The following FGF12 variants were observed in gnomAD, a reference collection of about 807,000 sequenced individuals.
FGF12 encodes the protein fibroblast growth factor 12.
In FGF12, 14 loss-of-function variants were observed where a neutral mutation model predicts 23.6. The observed-to-expected ratio is 0.59, with a 90% CI of 0.39 to 0.93. The LOEUF (loss-of-function observed/expected upper bound fraction) is 0.93. Among genes scored for constraint, FGF12 ranks in the 40% least tolerant of loss-of-function variants. The pLI is 0.00. For synonymous variants in FGF12, 62 were observed against 77.3 expected (o/e 0.80, Z 1.04); for missense variants, 175 against 217.8 (o/e 0.80, Z 1.24).
At chr3:192,603,391 T>C (rs1008588177) in intron 2 of FGF12, among the ~76,000 whole-genome samples, 6 of 152,132 alleles carry the variant, frequency 3.9e-5, no homozygotes, top group Admixed American at 6.6e-5. Flanking sequence ...ACACCAATAA[T>C]GTTCAAGCTG....
intron 3 of FGF12, among the ~76,000 whole-genome samples, chr3:192,340,338 A>G (rs946416500): frequency 7.2e-5 from 11 of 152,118 alleles, no homozygotes; most frequent in African/African-American, 2.7e-4. Flanking sequence ...AAGCTCTCCA[A>G]AACAAAACTC....
chr3:192,668,145 C>T (rs1038425554), intron 2 of FGF12, among the ~76,000 whole-genome samples: 21 of 151,666 alleles, frequency 1.4e-4, no homozygotes, highest in African/African-American at 5.1e-4. Context: ...TAAGCACATA[C>T]CAAAAATTCC....
chr3:192,487,968 C>T (rs1332593456), intron 2 of FGF12, among the ~76,000 whole-genome samples: 6 of 152,052 alleles, frequency 3.9e-5, no homozygotes, highest in African/African-American at 1.2e-4. Context: ...AGACATGCAG[C>T]ACAATATTGT....
At chr3:192,506,221 G>C (rs1243508401) in intron 2 of FGF12, among the ~76,000 whole-genome samples, 1 of 152,226 alleles carries the variant, frequency 6.6e-6, no homozygotes. Flanking sequence ...TTGTGGAAGA[G>C]AAGTTGGGGG....
intron 2 of FGF12, among the ~76,000 whole-genome samples, chr3:192,397,234 C>T (rs1325951234): frequency 6.6e-6 from 1 of 152,196 alleles, no homozygotes; most frequent in Non-Finnish European, 1.5e-5. Context: ...CACAATGCTG[C>T]CAACTCCTTT....
intron 4 of FGF12, among the ~76,000 whole-genome samples, chr3:192,182,487 T>C (rs918384852): frequency 2.6e-5 from 4 of 152,104 alleles, no homozygotes; most frequent in Admixed American, 6.6e-5. Context: ...TATAAAAGAA[T>C]GGCCCCTTCC....
At chr3:192,595,501 G>T (rs898957566) in intron 2 of FGF12, among the ~76,000 whole-genome samples, 1 of 152,164 alleles carries the variant, frequency 6.6e-6, no homozygotes, top group African/African-American at 2.4e-5. Flanking sequence ...TTTTAGTAGA[G>T]CAGTGGTTCT....
intron 2 of FGF12, among the ~76,000 whole-genome samples, chr3:192,487,863 C>T (rs1723681078): frequency 6.6e-6 from 1 of 152,008 alleles, no homozygotes; most frequent in Admixed American, 6.6e-5. Flanking sequence ...GGAATTTTAA[C>T]TTGTTCATTA....
Position 192,526,793 on chromosome 3 carries a change from T to C in FGF12, c.14-166255A>G, listed in dbSNP as rs142705486. 1.1e-4 allele frequency among the ~76,000 whole-genome samples: 17 copies of C among 152,328 alleles called. No individual in the cohort carries two copies. The East Asian group carries it at 3.1e-3, about 28-fold the overall frequency. ...TTTAGAGTTAACCATATGGTTCGAC[T>C]GAAGATAAAGCCTTAATCAAATTTA... On this transcript the variant is annotated intron_variant, in intron 2 of 5. Transcript: ENST00000445105.
chr3:192,171,023 C>G (rs1241794088), intron 4 of FGF12, among the ~76,000 whole-genome samples: 2 of 152,136 alleles, frequency 1.3e-5, no homozygotes, highest in African/African-American at 4.8e-5. Context: ...AAAATTTATC[C>G]TGGAAATCAA....
At position 192,593,341 on chromosome 3, in the gene FGF12, C is replaced by T. The variant is rs576837184; in HGVS notation, c.13+133840G>A. Reference sequence around the variant, plus strand: ...GTGACCCTCTTCCCTCATGATCATACGTAGAATAGCAACCCTATGCCCTCT... The same window carrying T: ...GTGACCCTCTTCCCTCATGATCATATGTAGAATAGCAACCCTATGCCCTCT... On this transcript the variant is annotated intron_variant, in intron 2 of 5. Coordinates refer to ENST00000445105, the MANE Select transcript of FGF12 (RefSeq NM_004113.6). 6.6e-5 allele frequency among the ~76,000 whole-genome samples: 10 copies of T among 151,894 alleles called. 1 individual carries two copies. The highest frequency in any genetic ancestry group is 2.0e-4 in the Admixed American group (3 of 15,246).
intron 2 of FGF12, among the ~76,000 whole-genome samples, chr3:192,505,603 A>ATAGCAT (rs1238760977): frequency 3.0e-4 from 46 of 152,328 alleles, no homozygotes; most frequent in African/African-American, 1.0e-3. Flanking sequence ...CTATCATCAG[A>ATAGCAT]AAACTGCATA....
intron 4 of FGF12, among the ~76,000 whole-genome samples, chr3:192,296,682 G>T (rs1715060759): frequency 6.6e-6 from 1 of 151,954 alleles, no homozygotes; most frequent in Non-Finnish European, 1.5e-5. Flanking sequence ...ATGAAATATT[G>T]CTCTTTATGA....
At chr3:192,559,291 T>C (rs1711914471) in intron 2 of FGF12, among the ~76,000 whole-genome samples, 1 of 151,922 alleles carries the variant, frequency 6.6e-6, no homozygotes, top group Non-Finnish European at 1.5e-5. Context: ...TTTTAAGAAT[T>C]GGCAAAGGAC....
chr3:192,353,216 C>T (rs1038256036), intron 3 of FGF12, among the ~76,000 whole-genome samples: 5 of 152,134 alleles, frequency 3.3e-5, no homozygotes, highest in African/African-American at 1.2e-4. Flanking sequence ...TAGGAATACA[C>T]TTGGTTAAGG....
chr3:192,442,490 T>C (rs886223867), intron 2 of FGF12, among the ~76,000 whole-genome samples: 2 of 152,206 alleles, frequency 1.3e-5, no homozygotes, highest in Non-Finnish European at 2.9e-5. Flanking sequence ...CTATAAGTTT[T>C]AGGTGCCAGA....
At chr3:192,338,673 G>A (rs555057654) in intron 3 of FGF12, among the ~76,000 whole-genome samples, 1 of 152,310 alleles carries the variant, frequency 6.6e-6, no homozygotes, top group East Asian at 1.9e-4. Flanking sequence ...GTCCCTGAGA[G>A]CTTTGTGGAG....
intron 4 of FGF12, among the ~76,000 whole-genome samples, chr3:192,184,669 G>A (rs1403042): frequency 5.3e-5 from 8 of 152,154 alleles, no homozygotes; most frequent in African/African-American, 1.9e-4. Context: ...GAGTTCATTT[G>A]TGATTCAGAA....
At chr3:192,305,607 A>G (rs911158297) in intron 4 of FGF12, among the ~76,000 whole-genome samples, 15 of 150,484 alleles carry the variant, frequency 1.0e-4, no homozygotes, top group African/African-American at 3.7e-4. Flanking sequence ...TAGAAATTCT[A>G]AACTCCTGCA....
Sources: gnomAD v4.1 joint callset for allele counts (sites outside exome capture counted in the v4.1 genomes callset) on GRCh38, gnomAD v4.1.1 for gene constraint, MANE v1.5 for transcripts, NCBI Gene and HGNC (gene_info 2026-07-23, HGNC 2026-07-21) for gene names.